Variants in AXL observed in about 807,000 individuals in gnomAD.
The protein encoded by AXL is tyrosine-protein kinase receptor UFO.
A neutral mutation model predicts 104.5 loss-of-function variants in AXL; 52 were observed. The observed-to-expected ratio is 0.50, with a 90% CI of 0.40 to 0.63. AXL has a LOEUF of 0.63. AXL is among the 20% of genes least tolerant of loss of function. The pLI is 0.00. For missense variants in AXL, 1,024 were observed against 1,188.5 expected, an observed-to-expected ratio of 0.86 and a Z score of 2.04; for synonymous variants, 455 against 473.7, an observed-to-expected ratio of 0.96 and a Z score of 0.51.
chr19:41,254,128 T>C (rs7250883), intron 17 of AXL, among the ~76,000 whole-genome samples: 39,957 of 150,724 alleles, frequency 0.27, 5,451 homozygotes, highest in East Asian at 0.29. Flanking sequence ...CCAGATGGGG[T>C]GCAGTGGCTC....
rs771592549 is a variant in AXL, at chr19:41,242,965, C to T, written c.1395C>T (p.Leu465=). Residue 465 remains leucine, a synonymous_variant, in exon 11 of 20, where the codon CTC becomes CTT. Coordinates refer to ENST00000301178, the MANE Select transcript of AXL (RefSeq NM_021913.5). ...LGAVVAAACV[L]ILALFLVHRR... ...CAGTCGTGGCCGCTGCCTGTGTCCT[C>T]ATCTTGGCTCTCTTCCTTGTCCACC... 4 of 1,614,232 alleles carry T rather than the reference C, an allele frequency of 2.5e-6. No homozygotes were observed. The East Asian group carries it at 8.9e-5, about 36-fold the overall frequency.
intron 7 of AXL, 69 bp from the exon 8 acceptor site, chr19:41,238,401 T>A: frequency 6.4e-7 from 1 of 1,574,402 alleles, no homozygotes; most frequent in East Asian, 2.3e-5. Context: ...CTGCACCCAC[T>A]TCCTGGGAAC....
chr19:41,256,080 G>GGGGTGTGTGTGTGTGTGT (rs71334980), intron 17 of AXL, among the ~76,000 whole-genome samples: 1 of 150,508 alleles, frequency 6.6e-6, no homozygotes, highest in African/African-American at 2.4e-5. Flanking sequence ...TGGTTACATG[G>GGGGTGTGTGTGTGTGTGT]GTGTGTGTGT....
At position 41,256,586 on chromosome 19, in the gene AXL, G is replaced by A. The variant is rs1441087022; in HGVS notation, c.2171G>A (p.Arg724His). The A allele has an allele frequency of 1.9e-6, 3 of 1,613,834 alleles. No individual in the cohort carries two copies. The highest frequency in any genetic ancestry group is 1.1e-5 in the South Asian group (1 of 91,062). ...ATTGCCATTGAGAGTCTAGCTGACC[G>A]TGTCTACACCAGCAAGAGCGATGTG... ...KWIAIESLAD[R>H]VYTSKSDVWS... Residue 724 changes from arginine to histidine, a missense_variant, in exon 18 of 20, where the codon CGT becomes CAT. Transcript: ENST00000301178.
In AXL at chr19:41,239,677, G is replaced by A; in HGVS notation, c.1286-17G>A. 3 of 1,614,066 alleles carry A rather than the reference G, an allele frequency of 1.9e-6. No homozygotes were observed. Among genetic ancestry groups the A allele is most frequent in the Non-Finnish European group, 2.5e-6 (3 of 1,180,028 alleles). On this transcript the variant is annotated splice_polypyrimidine_tract_variant and intron_variant, in intron 9 of 19. Transcript: ENST00000301178. ...TCCTCTCTGAGCACATCTCCTCTCT[G>A]TCCTTTCTTCTCACAGGGCAAGCAC... is the stretch of plus-strand genomic sequence containing the variant.
At chr19:41,234,474 AG>A (rs2034045338) in intron 6 of AXL, among the ~76,000 whole-genome samples, 1 of 152,070 alleles carries the variant, frequency 6.6e-6, no homozygotes, top group Admixed American at 6.6e-5. Flanking sequence ...TTAAAAAATT[AG>A]GTGGGGCTGT....
At chr19:41,228,190 T>C (rs1015398864) in intron 4 of AXL, among the ~76,000 whole-genome samples, 58 of 152,264 alleles carry the variant, frequency 3.8e-4, no homozygotes, top group African/African-American at 1.4e-3. Flanking sequence ...CTTCTGTGTG[T>C]GCACGCTGGT....
In AXL at chr19:41,242,991, G is replaced by A. The variant is rs545871181; in HGVS notation, c.1421G>A (p.Arg474Gln). 5.6e-6 allele frequency: 9 copies of A among 1,614,046 alleles called. No individual in the cohort carries two copies. Among genetic ancestry groups the A allele is most frequent in the East Asian group, 2.2e-5 (1 of 44,890 alleles). The change falls in exon 11 of 20, where the codon CGG becomes CAG. Residue 474 changes from arginine to glutamine, a missense_variant. Arg to Gln is a conservative substitution (Grantham distance 43). Around this residue, in one of 5 missense-constraint regions of AXL, gnomAD observed 523 missense variants for 636.0 expected, o/e 0.82. Coordinates refer to ENST00000301178, the MANE Select transcript of AXL (RefSeq NM_021913.5). ...ATCTTGGCTCTCTTCCTTGTCCACC[G>A]GCGAAAGAAGGAGACCCGTTATGGG... ...VLILALFLVH[R>Q]RKKETRYGEV...
Position 41,219,317 on chromosome 19 carries a change from G to A in AXL, c.-76G>A. Reference sequence around the variant, plus strand: ...AAATCCGGGGAGCCTGGAGCTGGGGGGAGGGCCGGGGACAGCCCGGCCCTG... The same window carrying A: ...AAATCCGGGGAGCCTGGAGCTGGGGAGAGGGCCGGGGACAGCCCGGCCCTG... On this transcript the variant is annotated 5_prime_UTR_variant, in exon 1 of 20. Coordinates refer to ENST00000301178, the MANE Select transcript of AXL (RefSeq NM_021913.5). The A allele has an allele frequency of 2.2e-6, 3 of 1,394,254 alleles. No individual in the cohort carries two copies. Among genetic ancestry groups the A allele is most frequent in the Non-Finnish European group, 2.9e-6 (3 of 1,030,218 alleles). 86.4% of individuals were successfully genotyped at this position (1,394,254 alleles called of 1,614,324 possible).
In AXL at chr19:41,259,869, T is replaced by C. The variant is rs1057207419; in HGVS notation, c.2650T>C (p.Ser884Pro). ...PSPAQPADRG[S>P]PAAPGQEDGA The stretch of plus-strand genomic sequence containing the variant: ...CCCCGCTCAGCCTGCTGATAGGGGC[T>C]CCCCAGCAGCCCCAGGGCAGGAGGA... The change falls in exon 20 of 20, where the codon TCC becomes CCC. Residue 884 changes from serine to proline, a missense_variant. By Grantham distance (74) the Ser-to-Pro change is moderately conservative (BLOSUM62 -1). Coordinates refer to ENST00000301178, the MANE Select transcript of AXL (RefSeq NM_021913.5). 4 of 1,599,650 alleles carry C rather than the reference T, an allele frequency of 2.5e-6. No homozygotes were observed. The highest frequency in any genetic ancestry group is 2.6e-6 in the Non-Finnish European group (3 of 1,171,378).
intron 6 of AXL, among the ~76,000 whole-genome samples, chr19:41,236,515 T>G (rs1365550603): frequency 6.6e-6 from 1 of 151,480 alleles, no homozygotes; most frequent in Non-Finnish European, 1.5e-5. Context: ...GCACGGTGGC[T>G]CACACCTGTA....
At chr19:41,252,211 T>G in intron 14 of AXL, 140 bp from the exon 15 acceptor site, 1 of 627,472 alleles carries the variant, frequency 1.6e-6, no homozygotes, top group Non-Finnish European at 2.9e-6. Context: ...TATAAAGTGC[T>G]GAGTATGGTG....
At chr19:41,232,990 T>C (rs573143001) in intron 6 of AXL, among the ~76,000 whole-genome samples, 1 of 152,204 alleles carries the variant, frequency 6.6e-6, no homozygotes, top group South Asian at 2.1e-4. Flanking sequence ...TTTTTGTTTT[T>C]TCTTTTCTTT....
intron 17 of AXL, among the ~76,000 whole-genome samples, chr19:41,256,080 G>GGGGTGTGTGTGTGTGTGTGTGT (rs71334980): frequency 7.1e-4 from 107 of 150,618 alleles, no homozygotes; most frequent in African/African-American, 2.4e-3. Flanking sequence ...TGGTTACATG[G>GGGGTGTGTGTGTGTGTGTGTGT]GTGTGTGTGT....
intron 16 of AXL, 22 bp from the exon 17 acceptor site, chr19:41,253,577 C>G (rs904586534): frequency 1.3e-6 from 2 of 1,577,798 alleles, no homozygotes; most frequent in African/African-American, 1.3e-5. Flanking sequence ...GACCTCTCCT[C>G]CCACCTGCCT....
At chr19:41,243,738 C>A in intron 12 of AXL, 31 bp downstream of exon 12, 3 of 1,585,208 alleles carry the variant, frequency 1.9e-6, no homozygotes, top group Non-Finnish European at 2.6e-6. Flanking sequence ...ACTGCCCTGG[C>A]CTGGATCTAA....
chr19:41,243,972 G>A (rs2034228684), intron 12 of AXL: 3 of 357,910 alleles, frequency 8.4e-6, no homozygotes, highest in South Asian at 4.6e-5. Context: ...TCGGGGGGCC[G>A]AGGTGGGAGG....
intron 6 of AXL, among the ~76,000 whole-genome samples, chr19:41,232,029 G>C (rs1445483407): frequency 1.3e-5 from 2 of 152,146 alleles, no homozygotes; most frequent in Non-Finnish European, 2.9e-5. Context: ...AGCCAGAGTG[G>C]GAGCCCTGAG....
intron 10 of AXL, among the ~76,000 whole-genome samples, chr19:41,240,643 A>G (rs1451776721): frequency 6.6e-6 from 1 of 152,066 alleles, no homozygotes; most frequent in Non-Finnish European, 1.5e-5. Flanking sequence ...ATCCCTTCCT[A>G]CATTTCTTCA....
Sources: allele counts gnomAD v4.1 joint callset (sites outside exome capture counted in the v4.1 genomes callset), GRCh38; gene constraint gnomAD v4.1.1; regional missense constraint gnomAD v4.1.1; transcripts MANE v1.5; gene names NCBI Gene and HGNC (gene_info 2026-07-23, HGNC 2026-07-21).